Variants in CSMD1 observed in about 807,000 individuals in gnomAD.
The protein encoded by CSMD1 is CUB and Sushi multiple domains 1.
Under a neutral mutation model 417.5 loss-of-function variants are expected in CSMD1, and 213 were observed. The ratio of observed to expected loss-of-function variants is 0.51; its 90% CI spans 0.46 to 0.57. The LOEUF (loss-of-function observed/expected upper bound fraction) is 0.57, where lower values mean the gene tolerates loss of function less well. Ranked by LOEUF, CSMD1 falls within the 20% of genes least tolerant of loss-of-function variation. The pLI is 0.00. For missense variants in CSMD1, 6,923 were observed against 4,529.7 expected (o/e 1.53, Z -15.17); for synonymous variants, 2,862 against 1,736.8 (o/e 1.65, Z -16.11).
chr8:4,221,344 G>A (rs1801018875), intron 3 of CSMD1, among the ~76,000 whole-genome samples: 1 of 148,890 alleles, frequency 6.7e-6, no homozygotes, highest in Non-Finnish European at 1.5e-5. Flanking sequence ...ATGTTTCAAA[G>A]GCACAAAGAA....
At chr8:3,990,479 G>A (rs967342023) in intron 5 of CSMD1, among the ~76,000 whole-genome samples, 10 of 152,018 alleles carry the variant, frequency 6.6e-5, no homozygotes, top group Admixed American at 4.6e-4. Flanking sequence ...CTTCTTCTCT[G>A]TTACTCCTCA....
intron 1 of CSMD1, among the ~76,000 whole-genome samples, chr8:4,829,973 C>G (rs76651760): frequency 2.0e-5 from 3 of 152,134 alleles, no homozygotes; most frequent in Non-Finnish European, 4.4e-5. Flanking sequence ...TGCTTACAAA[C>G]ATATCGGACA....
chr8:3,429,478 A>T (rs1433082738), intron 12 of CSMD1, among the ~76,000 whole-genome samples: 1 of 152,148 alleles, frequency 6.6e-6, no homozygotes, highest in Non-Finnish European at 1.5e-5. Context: ...ATGTTCACTG[A>T]CCTTCATTCT....
At chr8:3,815,318 T>C (rs1469901914) in intron 5 of CSMD1, among the ~76,000 whole-genome samples, 1 of 152,164 alleles carries the variant, frequency 6.6e-6, no homozygotes, top group Non-Finnish European at 1.5e-5. Flanking sequence ...ATTAGTTCAC[T>C]TCTGAACAAA....
chr8:4,564,340 G>C (rs754404699), intron 2 of CSMD1, among the ~76,000 whole-genome samples: 1 of 152,034 alleles, frequency 6.6e-6, no homozygotes, highest in Non-Finnish European at 1.5e-5. Flanking sequence ...TGTCTGTCTA[G>C]GCTGCTATAA....
chr8:3,714,935 T>G (rs2129042416), intron 6 of CSMD1, among the ~76,000 whole-genome samples: 1 of 152,346 alleles, frequency 6.6e-6, no homozygotes, highest in Non-Finnish European at 1.5e-5. Context: ...GTTTCGCTTT[T>G]ACTCTAGGAC....
chr8:4,144,673 C>A (rs1288700626), intron 3 of CSMD1, among the ~76,000 whole-genome samples: 1 of 150,976 alleles, frequency 6.6e-6, no homozygotes, highest in Non-Finnish European at 1.5e-5. Context: ...ACCTCTATGT[C>A]CCGACTGTGC....
rs529566003 is a variant in CSMD1, at chr8:4,808,378, G to C, written c.86-170820C>G. ...TTGGTAGGGCACTATCTAGATTATA[G>C]ACCCTTTTGCTAAGTTCTGTGAATT... is the stretch of plus-strand genomic sequence containing the variant. On this transcript the variant is annotated intron_variant, in intron 1 of 69. Coordinates refer to ENST00000635120, the MANE Select transcript of CSMD1 (RefSeq NM_033225.6). Among the ~76,000 whole-genome samples the C allele has an allele frequency of 1.1e-4, 16 of 152,258 alleles. No individual in the cohort carries two copies. The South Asian group carries it at 1.9e-3, about 18-fold the overall frequency.
intron 5 of CSMD1, among the ~76,000 whole-genome samples, chr8:3,863,975 G>A (rs183383367): frequency 6.6e-6 from 1 of 152,170 alleles, no homozygotes; most frequent in African/African-American, 2.4e-5. Flanking sequence ...TCCTGAGGCT[G>A]CAGTCTAGGT....
At chr8:4,417,367 T>A (rs1342407164) in intron 3 of CSMD1, among the ~76,000 whole-genome samples, 3 of 152,024 alleles carry the variant, frequency 2.0e-5, no homozygotes, top group Non-Finnish European at 4.4e-5. Context: ...ACAGTTGAGT[T>A]TGGTGTCCGG....
At chr8:4,409,448 AC>A (rs1284501832) in intron 3 of CSMD1, among the ~76,000 whole-genome samples, 1 of 152,144 alleles carries the variant, frequency 6.6e-6, no homozygotes, top group Admixed American at 6.5e-5. Flanking sequence ...CAAATCAACA[AC>A]AAAAAACAGC....
intron 25 of CSMD1, among the ~76,000 whole-genome samples, chr8:3,292,114 A>G (rs1033798418): frequency 2.0e-5 from 3 of 152,068 alleles, no homozygotes; most frequent in Non-Finnish European, 4.4e-5. Flanking sequence ...CAGGTTGTTC[A>G]GTTTCCATAT....
chr8:4,010,230 G>T (rs940978733), intron 4 of CSMD1, among the ~76,000 whole-genome samples: 1 of 152,016 alleles, frequency 6.6e-6, no homozygotes, highest in Admixed American at 6.6e-5. Context: ...GCATCTCATG[G>T]CTACTTCCAG....
At chr8:3,616,008 T>C (rs1382133458) in intron 8 of CSMD1, among the ~76,000 whole-genome samples, 1 of 152,180 alleles carries the variant, frequency 6.6e-6, no homozygotes, top group Non-Finnish European at 1.5e-5. Context: ...TAAAATGATA[T>C]GCATTTTCTG....
intron 1 of CSMD1, among the ~76,000 whole-genome samples, chr8:4,660,055 G>T (rs552035412): frequency 6.7e-6 from 1 of 149,440 alleles, no homozygotes; most frequent in Non-Finnish European, 1.5e-5. Flanking sequence ...TCCTAAGATT[G>T]GATAAAAGAA....
In CSMD1 at chr8:4,392,147, C is replaced by T. The variant is rs79015160; in HGVS notation, c.415+27806G>A. On this transcript the variant is annotated intron_variant, in intron 3 of 69. Coordinates refer to ENST00000635120, the MANE Select transcript of CSMD1 (RefSeq NM_033225.6). ...TGAGTCAAGTCCAGATTGCTGACCA[C>T]TGAAACTGTCATGGGCATTTTTGTT... 3.9e-3 allele frequency among the ~76,000 whole-genome samples: 593 copies of T among 152,318 alleles called. 20 individuals are homozygous for T. In the East Asian group the frequency reaches 0.083, roughly 21 times the overall value.
At chr8:3,805,013 A>G (rs2129074183) in intron 5 of CSMD1, among the ~76,000 whole-genome samples, 1 of 152,326 alleles carries the variant, frequency 6.6e-6, no homozygotes, top group African/African-American at 2.4e-5. Context: ...CTGGTCTTGA[A>G]GAGGCCTGGT....
intron 3 of CSMD1, among the ~76,000 whole-genome samples, chr8:4,340,730 C>G (rs1022631424): frequency 6.6e-6 from 1 of 152,034 alleles, no homozygotes; most frequent in Admixed American, 6.6e-5. Flanking sequence ...GTGGAACAAA[C>G]TGAAAATTTA....
At chr8:4,992,236 C>CGCCTCA (rs202227561) in intron 1 of CSMD1, among the ~76,000 whole-genome samples, 4,552 of 152,268 alleles carry the variant, frequency 0.03, 216 homozygotes, top group African/African-American at 0.1. Flanking sequence ...CTCCCGCCTC[C>CGCCTCA]GCCTCAGCCT....
Sources: allele counts gnomAD v4.1 joint callset (sites outside exome capture counted in the v4.1 genomes callset), GRCh38; gene constraint gnomAD v4.1.1; transcripts MANE v1.5; gene names NCBI Gene and HGNC (gene_info 2026-07-23, HGNC 2026-07-21).